The following PAX2 variants were observed in gnomAD, a reference collection of about 807,000 sequenced individuals.
PAX2 encodes paired box 2.
Under a neutral mutation model 41.7 loss-of-function variants are expected in PAX2, and 9 were observed. The observed-to-expected ratio is 0.22, with a 90% CI of 0.13 to 0.38. PAX2 has a LOEUF of 0.38. Among genes scored for constraint, PAX2 ranks in the 10% least tolerant of loss-of-function variants. The probability of loss-of-function intolerance (pLI) is 1.00; values close to 1 mark genes in which losing one functional copy is unlikely to be tolerated. For synonymous variants in PAX2, 221 were observed against 212.7 expected, an observed-to-expected ratio of 1.04 and a Z score of -0.34; for missense variants, 418 against 531.6, an observed-to-expected ratio of 0.79 and a Z score of 2.10.
At chr10:100,786,682 A>G (rs1459060144) in intron 5 of PAX2, among the ~76,000 whole-genome samples, 1 of 152,108 alleles carries the variant, frequency 6.6e-6, no homozygotes, top group Admixed American at 6.5e-5. Flanking sequence ...TTGAGCGCCC[A>G]TGGTCCTGGG....
chr10:100,824,760 A>G lies in PAX2; in HGVS notation c.1021+11A>G. On this transcript the variant is annotated intron_variant, in intron 8 of 9. Coordinates refer to ENST00000355243, the MANE Select transcript of PAX2 (RefSeq NM_000278.5). This position sits in a 1 kb window ranked among gnomAD's most constrained non-coding sequence, Gnocchi z 6.6. ...CAGGAATGGTGCCTGGTAGGTGACA[A>G]TGCTGCAGCTGCCTAATCTAGGTGG... is the stretch of plus-strand genomic sequence containing the variant. The G allele has an allele frequency of 1.3e-6, 2 of 1,578,320 alleles. No homozygotes were observed. Among genetic ancestry groups the G allele is most frequent in the Non-Finnish European group, 1.7e-6 (2 of 1,147,532 alleles).
rs1414969477 is a variant in PAX2, at chr10:100,827,900, GA to G, written c.*282del. 2.1e-6 allele frequency: 1 copy of G among 473,512 alleles called. No individual in the cohort carries two copies. The highest frequency in any genetic ancestry group is 2.1e-5 in the African/African-American group (1 of 47,666). The allele number at this position is 473,512 out of a possible 1,614,324, so 29.3% of individuals were successfully genotyped here. A position where few individuals can be genotyped will look rare whatever the true frequency, so the allele number is the denominator to read the frequency against. Reference sequence around the variant, plus strand: ...GCCTGCCTGGACTGCGCGGCGCCGTGAGGGGGATTCGGCCCAGCTCGTCCCG... The same window carrying G: ...GCCTGCCTGGACTGCGCGGCGCCGTGGGGGGATTCGGCCCAGCTCGTCCCG... On this transcript the variant is annotated 3_prime_UTR_variant, in exon 10 of 10. Transcript: ENST00000355243. This position sits in a 1 kb window ranked among gnomAD's most constrained non-coding sequence, Gnocchi z 8.5.
At chr10:100,814,044 A>G (rs1238333618) in intron 7 of PAX2, among the ~76,000 whole-genome samples, 1 of 152,190 alleles carries the variant, frequency 6.6e-6, no homozygotes, top group Non-Finnish European at 1.5e-5. Flanking sequence ...CAGCATGTTT[A>G]ATATTCTAAA....
chr10:100,794,312 C>T (rs1344726928), intron 5 of PAX2, among the ~76,000 whole-genome samples: 1 of 152,244 alleles, frequency 6.6e-6, no homozygotes, highest in Admixed American at 6.5e-5. Flanking sequence ...TCTCCACTCC[C>T]TACTTGCTCT....
At chr10:100,773,498 A>C (rs1224104924) in intron 3 of PAX2, among the ~76,000 whole-genome samples, 1 of 152,180 alleles carries the variant, frequency 6.6e-6, no homozygotes, top group East Asian at 1.9e-4. Context: ...ATAACATAAC[A>C]TAATATGATG....
chr10:100,754,292 C>T (rs1033841090), intron 3 of PAX2, among the ~76,000 whole-genome samples: 8 of 152,188 alleles, frequency 5.3e-5, no homozygotes, highest in Non-Finnish European at 1.2e-4. Flanking sequence ...GGCACAGACC[C>T]CAAATAGAGT....
At chr10:100,736,369 G>C (rs1174564870) in intron 1 of PAX2, among the ~76,000 whole-genome samples, 3 of 152,084 alleles carry the variant, frequency 2.0e-5, no homozygotes, top group Admixed American at 2.0e-4. Context: ...TCCTTCCTTC[G>C]CTTGTCCCCC....
chr10:100,812,529 C>T (rs922918711), intron 7 of PAX2, among the ~76,000 whole-genome samples: 7 of 152,188 alleles, frequency 4.6e-5, no homozygotes, highest in African/African-American at 1.7e-4. Context: ...AGAGGGGCTG[C>T]CATCCACCTC....
At chr10:100,779,252 G>A (rs1021529398) in intron 3 of PAX2, among the ~76,000 whole-genome samples, 4 of 152,230 alleles carry the variant, frequency 2.6e-5, no homozygotes, top group African/African-American at 9.6e-5. Flanking sequence ...AATAATTTGG[G>A]TGATGCACAT....
intron 5 of PAX2, among the ~76,000 whole-genome samples, chr10:100,801,142 C>A (rs1847548981): frequency 1.3e-5 from 2 of 152,148 alleles, no homozygotes; most frequent in African/African-American, 2.4e-5. Flanking sequence ...GCTGTCAGGG[C>A]ACCTGCCCTG....
At position 100,791,052 on chromosome 10, in the gene PAX2, G is replaced by A. The variant is rs952242552; in HGVS notation, c.616+9687G>A. Among the ~76,000 whole-genome samples the A allele has an allele frequency of 5.3e-5, 8 of 152,196 alleles. No individual in the cohort carries two copies. Among genetic ancestry groups the A allele is most frequent in the Admixed American group, 1.3e-4 (2 of 15,292 alleles). ...AGGCCTCACAAACCTCAACCTGCAC[G>A]GAGGCCTGGCCTTCCCTCCCTCCCA... is the stretch of plus-strand genomic sequence containing the variant. On this transcript the variant is annotated intron_variant, in intron 5 of 9. Transcript: ENST00000355243. The surrounding 1 kb of genome is among the most constrained non-coding windows in gnomAD (Gnocchi z 4.5).
At chr10:100,775,862 C>A (rs1165468046) in intron 3 of PAX2, among the ~76,000 whole-genome samples, 1 of 152,310 alleles carries the variant, frequency 6.6e-6, no homozygotes, top group East Asian at 1.9e-4. Flanking sequence ...CCATTGTGAT[C>A]AAACTCCAAA....
intron 5 of PAX2, among the ~76,000 whole-genome samples, chr10:100,805,023 T>TACACAC (rs3978747): frequency 4.5e-4 from 43 of 95,016 alleles, no homozygotes; most frequent in African/African-American, 1.5e-3. Context: ...CTCTCTCACA[T>TACACAC]ACACACACAC....
upstream of PAX2, among the ~76,000 whole-genome samples, chr10:100,743,367 G>C (rs1299805044): frequency 6.6e-6 from 1 of 152,118 alleles, no homozygotes; most frequent in African/African-American, 2.4e-5. Context: ...ACATTTCATG[G>C]TACTTGTAAC....
chr10:100,801,715 A>G (rs1847571342), intron 5 of PAX2, among the ~76,000 whole-genome samples: 1 of 152,232 alleles, frequency 6.6e-6, no homozygotes, highest in South Asian at 2.1e-4. Flanking sequence ...GTGCCAGGCA[A>G]AGAACGAGGG....
In PAX2 at chr10:100,826,929, G is replaced by A; in HGVS notation, c.1022-80G>A. On this transcript the variant is annotated intron_variant, in intron 8 of 9. Coordinates refer to ENST00000355243, the MANE Select transcript of PAX2 (RefSeq NM_000278.5). This position sits in a 1 kb window ranked among gnomAD's most constrained non-coding sequence, Gnocchi z 5.5. ...GCCTGAGACCCGGCGGGAGGAGCGG[G>A]CGGAGAAGCCACCGGCCGGACTCGT... The A allele has an allele frequency of 1.1e-6, 1 of 939,190 alleles. No individual in the cohort carries two copies. Among genetic ancestry groups the A allele is most frequent in the Non-Finnish European group, 1.7e-6 (1 of 577,194 alleles). The allele number at this position is 939,190 out of a possible 1,614,324, so 58.2% of individuals were successfully genotyped here.
intron 5 of PAX2, among the ~76,000 whole-genome samples, chr10:100,799,789 CTTTT>C (rs56012188): frequency 2.2e-5 from 2 of 89,908 alleles, no homozygotes; most frequent in South Asian, 4.9e-4. Flanking sequence ...TAGTGTAATT[CTTTT>C]TTTTTTTTTT....
At chr10:100,816,195 G>A (rs538014817) in intron 7 of PAX2, among the ~76,000 whole-genome samples, 1 of 152,312 alleles carries the variant, frequency 6.6e-6, no homozygotes, top group African/African-American at 2.4e-5. Flanking sequence ...TATTTTCTAA[G>A]AAATCAATGA....
intron 3 of PAX2, among the ~76,000 whole-genome samples, chr10:100,760,581 A>G (rs1322986718): frequency 2.0e-5 from 3 of 152,182 alleles, no homozygotes; most frequent in Non-Finnish European, 2.9e-5. Context: ...GTATCGCACT[A>G]GGAGAACTGG....
Sources: gnomAD v4.1 joint callset for allele counts (sites outside exome capture counted in the v4.1 genomes callset) on GRCh38, gnomAD v4.1.1 for gene constraint, Gnocchi (gnomAD v3.1) non-coding constraint, MANE v1.5 for transcripts, NCBI Gene and HGNC (gene_info 2026-07-23, HGNC 2026-07-21) for gene names.